Variants in MTF1 observed in about 807,000 individuals in gnomAD.
MTF1 encodes metal regulatory transcription factor 1, also known as MRE-binding transcription factor.
In MTF1, 22 loss-of-function variants were observed where a neutral mutation model predicts 70.4. The observed-to-expected ratio is 0.31, with a 90% CI of 0.22 to 0.45. The LOEUF (loss-of-function observed/expected upper bound fraction) is 0.45, where lower values mean the gene tolerates loss of function less well. Ranked by LOEUF, MTF1 falls within the 20% of genes least tolerant of loss-of-function variation. The pLI is 1.00. For missense variants in MTF1, 649 were observed against 922.0 expected, an observed-to-expected ratio of 0.70 and a Z score of 3.83; for synonymous variants, 333 against 352.8, an observed-to-expected ratio of 0.94 and a Z score of 0.63.
Position 37,822,355 on chromosome 1 carries a change from T to C in MTF1, c.1533A>G (p.Ala511=). Residue 511 remains alanine, a synonymous_variant, in exon 9 of 11, where the codon GCA becomes GCG. Transcript: ENST00000373036. ...CTGGTGCTGCCACAGCTGATGCCACTGCCGCTGCTGATGCAGAAGCCCCAG... is the reference window on the plus strand; with the variant it reads ...CTGGTGCTGCCACAGCTGATGCCACCGCCGCTGCTGATGCAGAAGCCCCAG... ...VVAGASASAA[A]VASAVAAPAP... is the part of the protein sequence containing the mutation. The C allele has an allele frequency of 1.9e-6, 3 of 1,613,150 alleles. No homozygotes were observed. The highest frequency in any genetic ancestry group is 1.7e-6 in the Non-Finnish European group (2 of 1,179,412).
rs1347104362 is a variant in MTF1 at position 37,845,051 on chromosome 1, G to C, written c.409-4893C>G. On this transcript the variant is annotated intron_variant, in intron 2 of 10. Coordinates refer to ENST00000373036, the MANE Select transcript of MTF1 (RefSeq NM_005955.3). ...TTAAATGGGTGAATAGCTACTTCCCGGCTGGACTGTAAGCTCCATGAGAGC... is the reference window on the plus strand; with the variant it reads ...TTAAATGGGTGAATAGCTACTTCCCCGCTGGACTGTAAGCTCCATGAGAGC... Among the ~76,000 whole-genome samples the C allele has an allele frequency of 3.9e-5, 6 of 152,302 alleles. No individual in the cohort carries two copies. In the South Asian group the frequency reaches 1.2e-3, roughly 32 times the overall value.
In MTF1 at chr1:37,810,801, G is replaced by C. The variant is rs1478682706; in HGVS notation, c.*4335C>G. On this transcript the variant is annotated 3_prime_UTR_variant, in exon 11 of 11. Transcript: ENST00000373036. ...GGGGGAGGTGGAGTAAAGGAAGAAA[G>C]TTGATAATGATTCATGGGATGTAAT... 3.3e-5 allele frequency: 5 copies of C among 152,230 alleles called. No homozygotes were observed. The highest frequency in any genetic ancestry group is 7.2e-5 in the African/African-American group (3 of 41,470). 9.4% of individuals were successfully genotyped at this position (152,230 alleles called of 1,614,324 possible). A position where few individuals can be genotyped will look rare whatever the true frequency, so the allele number is the denominator to read the frequency against.
At chr1:37,816,631 C>T (rs1235456079) in intron 10 of MTF1, among the ~76,000 whole-genome samples, 2 of 148,090 alleles carry the variant, frequency 1.4e-5, no homozygotes, top group Non-Finnish European at 3.0e-5. Context: ...GCCGGGATTG[C>T]GCCACTGCAG....
At chr1:37,827,034 G>A (rs951293701) in intron 7 of MTF1, among the ~76,000 whole-genome samples, 2 of 152,070 alleles carry the variant, frequency 1.3e-5, no homozygotes, top group Non-Finnish European at 2.9e-5. Flanking sequence ...AAACTCATAG[G>A]CCAATAGTGT....
At chr1:37,853,610 G>A (rs1641449352) in intron 2 of MTF1, among the ~76,000 whole-genome samples, 1 of 152,190 alleles carries the variant, frequency 6.6e-6, no homozygotes, top group South Asian at 2.1e-4. Context: ...AAAATGGCCT[G>A]TTTCCCACCT....
intron 6 of MTF1, 95 bp downstream of exon 6, chr1:37,834,984 A>C: frequency 2.2e-6 from 3 of 1,353,812 alleles, no homozygotes; most frequent in Non-Finnish European, 3.1e-6. Context: ...TCACTAACAG[A>C]TATACAGAGA....
In MTF1 at chr1:37,813,997, T is replaced by TC. The variant is rs1388742572; in HGVS notation, c.*1138_*1139insG. ...AGAAGATCATCGTTTTGTGTTTCTT[T>TC]TTTTTTTTTTTTTAAATAAATCACA... is the stretch of plus-strand genomic sequence containing the variant. On this transcript the variant is annotated 3_prime_UTR_variant, in exon 11 of 11. Coordinates refer to ENST00000373036, the MANE Select transcript of MTF1 (RefSeq NM_005955.3). 6.0e-4 allele frequency: 91 copies of TC among 150,922 alleles called. No individual in the cohort carries two copies. Among genetic ancestry groups the TC allele is most frequent in the African/African-American group, 2.2e-3 (90 of 41,326 alleles). The allele number at this position is 150,922 out of a possible 1,614,324, so 9.3% of individuals were successfully genotyped here.
At position 37,815,560 on chromosome 1, in the gene MTF1, G is replaced by A; in HGVS notation, c.1838C>T (p.Ser613Phe). The stretch of plus-strand genomic sequence containing the variant: ...AACACTGAGGCCAATCTGCTGGACA[G>A]AGCTCCCTGCGAGAGAGGCAAGAGA... ...AVPVASSPGS[S>F]VQQIGLSVPV... Residue 613 changes from serine to phenylalanine, a missense_variant, in exon 11 of 11, where the codon TCT (serine) becomes TTT (phenylalanine). Physicochemically the swap from Ser to Phe is radical, Grantham distance 155. Transcript: ENST00000373036. The surrounding 1 kb of genome is among the most constrained non-coding windows in gnomAD (Gnocchi z 4.5). 6.5e-7 allele frequency: 1 copy of A among 1,527,260 alleles called. No individual in the cohort carries two copies. The highest frequency in any genetic ancestry group is 8.8e-7 in the Non-Finnish European group (1 of 1,140,388). The allele number at this position is 1,527,260 out of a possible 1,614,324, so 94.6% of individuals were successfully genotyped here.
rs1213593066 is a variant in MTF1, at chr1:37,857,826, C to T, written c.-51-117G>A. 13 of 603,720 alleles carry T rather than the reference C, an allele frequency of 2.2e-5. No homozygotes were observed. In the Admixed American group the frequency reaches 3.9e-4, roughly 18 times the overall value. 37.4% of individuals were successfully genotyped at this position (603,720 alleles called of 1,614,324 possible). On this transcript the variant is annotated intron_variant, in intron 1 of 10. Transcript: ENST00000373036. ...GAGCAAGCCAAAGCAAATGAAAAAC[C>T]ATCCTTGGGAATAATTTTTTTATTT...
intron 7 of MTF1, among the ~76,000 whole-genome samples, chr1:37,827,273 AG>A (rs1260579314): frequency 2.0e-5 from 3 of 151,774 alleles, no homozygotes; most frequent in Non-Finnish European, 1.5e-5. Context: ...GGTGCAATCC[AG>A]TTTGAAAAAT....
Position 37,852,590 on chromosome 1 carries a change from A to T in MTF1, c.408+4661T>A, listed in dbSNP as rs1569887583. Among the ~76,000 whole-genome samples, 7 of 152,142 alleles carry T rather than the reference A, an allele frequency of 4.6e-5. No homozygotes were observed. The South Asian group carries it at 1.5e-3, about 32-fold the overall frequency. ...CTAAGACACAGCAGAAACTCAACAA[A>T]TTTGGGAAAATGGATGAATCCTTTC... On this transcript the variant is annotated intron_variant, in intron 2 of 10. Coordinates refer to ENST00000373036, the MANE Select transcript of MTF1 (RefSeq NM_005955.3).
In MTF1 at chr1:37,822,299, G is replaced by T. The variant is rs771379019; in HGVS notation, c.1589C>A (p.Pro530Gln). The change falls in exon 9 of 11, where the codon CCA becomes CAA. Residue 530 changes from proline to glutamine, a missense_variant. Pro to Gln is a moderately conservative substitution (Grantham distance 76). This residue lies in a region of MTF1 where 267 missense variants were observed against 292.1 expected (regional missense o/e 0.91). Coordinates refer to ENST00000373036, the MANE Select transcript of MTF1 (RefSeq NM_005955.3). Reference protein sequence around the residue: ...APPQSTTEPLPAMVQTLPLGA... With the variant: ...APPQSTTEPLQAMVQTLPLGA... ...CAGGGGCAGAGTCTGGACCATGGCT[G>T]GCAGGGGCTCAGTAGTACTTTGTGG... 1 of 1,614,078 alleles carries T rather than the reference G, an allele frequency of 6.2e-7. No individual in the cohort carries two copies.
At chr1:37,858,883 T>C (rs1190211670) in intron 1 of MTF1, among the ~76,000 whole-genome samples, 2 of 152,228 alleles carry the variant, frequency 1.3e-5, no homozygotes, top group Non-Finnish European at 2.9e-5. Flanking sequence ...GCAGGCAGAA[T>C]AGAGAATTTT....
At position 37,834,553 on chromosome 1, in the gene MTF1, G is replaced by A. The variant is rs193224189; in HGVS notation, c.990+526C>T. On this transcript the variant is annotated intron_variant, in intron 6 of 10. Coordinates refer to ENST00000373036, the MANE Select transcript of MTF1 (RefSeq NM_005955.3). ...CATTATCTGCTTTATGGTTCAGAAA[G>A]ATCACTCTGGCTGATATATGTAGGA... is the stretch of plus-strand genomic sequence containing the variant. The A allele has an allele frequency of 1.4e-3, 556 of 396,604 alleles. 1 individual carries two copies. The highest frequency in any genetic ancestry group is 2.4e-3 in the Non-Finnish European group (460 of 195,018). 24.6% of individuals were successfully genotyped at this position (396,604 alleles called of 1,614,324 possible). A position where few individuals can be genotyped will look rare whatever the true frequency, so the allele number is the denominator to read the frequency against.
At position 37,857,708 on chromosome 1, in the gene MTF1, G is replaced by A; in HGVS notation, c.-50C>T. On this transcript the variant is annotated splice_region_variant and 5_prime_UTR_variant, in exon 2 of 11. Coordinates refer to ENST00000373036, the MANE Select transcript of MTF1 (RefSeq NM_005955.3). ...GTGAGAAATGAAAACGTAATGACTT[G>A]TCTGCAACAGAACAAAGCCAGAGTT... The A allele has an allele frequency of 6.4e-7, 1 of 1,572,232 alleles. No homozygotes were observed. Among genetic ancestry groups the A allele is most frequent in the Non-Finnish European group, 8.7e-7 (1 of 1,152,144 alleles).
intron 2 of MTF1, among the ~76,000 whole-genome samples, chr1:37,852,073 G>A (rs1158970503): frequency 6.6e-6 from 1 of 152,134 alleles, no homozygotes; most frequent in Non-Finnish European, 1.5e-5. Context: ...CTCATTTGTT[G>A]ACACTCTCTT....
At chr1:37,839,782 G>T in intron 3 of MTF1, 138 bp downstream of exon 3, 1 of 685,418 alleles carries the variant, frequency 1.5e-6, no homozygotes, top group South Asian at 1.9e-5. Context: ...TGGCAGAAAT[G>T]AATTTTACGT....
intron 7 of MTF1, among the ~76,000 whole-genome samples, chr1:37,827,101 C>T (rs1641013680): frequency 6.6e-6 from 1 of 152,162 alleles, no homozygotes; most frequent in Non-Finnish European, 1.5e-5. Context: ...ACTGTATATA[C>T]ATACATTCTT....
chr1:37,822,095 T>C, intron 9 of MTF1, 26 bp downstream of exon 9: 1 of 1,522,010 alleles, frequency 6.6e-7, no homozygotes, highest in South Asian at 1.2e-5. Flanking sequence ...TTCACCCCAC[T>C]GGGTATATTC....
Sources: allele counts gnomAD v4.1 joint callset (sites outside exome capture counted in the v4.1 genomes callset), GRCh38; gene constraint gnomAD v4.1.1; regional missense constraint gnomAD v4.1.1; non-coding constraint Gnocchi (gnomAD v3.1); transcripts MANE v1.5; gene names NCBI Gene and HGNC (gene_info 2026-07-23, HGNC 2026-07-21).